The following TENM4 variants were observed in gnomAD, a reference collection of about 807,000 sequenced individuals.
TENM4 encodes the protein teneurin transmembrane protein 4, also known as teneurin-4.
In TENM4, 82 loss-of-function variants were observed where a neutral mutation model predicts 243.3. That is an observed-to-expected ratio of 0.34 (90% CI 0.28 to 0.40). The LOEUF (loss-of-function observed/expected upper bound fraction) is 0.40, where lower values mean the gene tolerates loss of function less well. TENM4 is among the 10% of genes least tolerant of loss of function. The pLI is 1.00. For missense variants in TENM4, 3,138 were observed against 3,673.3 expected, an observed-to-expected ratio of 0.85 and a Z score of 3.77; for synonymous variants, 1,412 against 1,456.3, an observed-to-expected ratio of 0.97 and a Z score of 0.69.
intron 1 of TENM4, among the ~76,000 whole-genome samples, chr11:79,432,545 G>A (rs1254358951): frequency 6.6e-6 from 1 of 152,176 alleles, no homozygotes; most frequent in Non-Finnish European, 1.5e-5. Context: ...TTACCGAACA[G>A]AAGATACTGA....
rs35099815 is a variant in TENM4 at position 79,020,604 on chromosome 11, A to AT, written c.493+44133dup. On this transcript the variant is annotated intron_variant, in intron 6 of 33. Coordinates refer to ENST00000278550, the MANE Select transcript of TENM4 (RefSeq NM_001098816.3). ...CTTTAAACCCTGGAATGTAAATGCA[A>AT]TTTTTTTTTTCCTGGCATTAAAAAA... Among the ~76,000 whole-genome samples, 368 of 150,848 alleles carry AT rather than the reference A, an allele frequency of 2.4e-3. 1 individual carries two copies. The highest frequency in any genetic ancestry group is 8.4e-3 in the African/African-American group (347 of 41,182).
chr11:79,279,924 T>A (rs923571625), intron 2 of TENM4, among the ~76,000 whole-genome samples: 1 of 152,154 alleles, frequency 6.6e-6, no homozygotes, highest in African/African-American at 2.4e-5. Context: ...TGTGAATAGA[T>A]TAGTGCCTTA....
At chr11:78,943,361 G>A (rs1280830158) in intron 6 of TENM4, among the ~76,000 whole-genome samples, 1 of 152,222 alleles carries the variant, frequency 6.6e-6, no homozygotes, top group Non-Finnish European at 1.5e-5. Flanking sequence ...GGACGCCTTG[G>A]TGTGGGGGCA....
intron 4 of TENM4, 30 bp downstream of exon 4, chr11:79,148,680 C>T: frequency 1.3e-6 from 1 of 756,202 alleles, no homozygotes; most frequent in Non-Finnish European, 1.6e-6. Flanking sequence ...ATCATGAATA[C>T]TCTCTGAAGT....
intron 4 of TENM4, among the ~76,000 whole-genome samples, chr11:79,079,344 G>C (rs1319961289): frequency 6.6e-6 from 1 of 152,204 alleles, no homozygotes; most frequent in African/African-American, 2.4e-5. Flanking sequence ...AGCTGGGAGG[G>C]CTCCCCCCAG....
chr11:78,867,981 T>G (rs964470888), intron 9 of TENM4, among the ~76,000 whole-genome samples: 1 of 150,136 alleles, frequency 6.7e-6, no homozygotes, highest in Non-Finnish European at 1.5e-5. Context: ...ATAGTGATGA[T>G]AAATATTCCC....
chr11:79,320,061 G>A (rs75525327), intron 1 of TENM4, among the ~76,000 whole-genome samples: 83 of 152,266 alleles, frequency 5.5e-4, no homozygotes, highest in African/African-American at 1.8e-3. Flanking sequence ...ATAGCTCATC[G>A]TAGAGCATGG....
intron 1 of TENM4, among the ~76,000 whole-genome samples, chr11:79,338,907 C>T (rs1324628966): frequency 6.6e-6 from 1 of 152,204 alleles, no homozygotes; most frequent in Non-Finnish European, 1.5e-5. Context: ...GGCTTTGACT[C>T]AAGACCAACA....
rs117456180 is a variant in TENM4, at chr11:78,839,847, G to A, written c.1681+14257C>T. Among the ~76,000 whole-genome samples the A allele has an allele frequency of 3.3e-3, 503 of 152,214 alleles. 2 individuals carry two copies. The highest frequency in any genetic ancestry group is 6.8e-3 in the Middle Eastern group (2 of 294). Reference sequence around the variant, plus strand: ...CTCAGAGGTGTTTCTGTTACTTAGTGAACACAAAAGACACATCTCAGCACG... The same window carrying A: ...CTCAGAGGTGTTTCTGTTACTTAGTAAACACAAAAGACACATCTCAGCACG... On this transcript the variant is annotated intron_variant, in intron 12 of 33. Transcript: ENST00000278550.
rs949520288 is a variant in TENM4, at chr11:79,250,397, G to A, written c.-264-34488C>T. ...CCAGGCTCAGGTCAGGCATAGGTAG[G>A]AAGTGGCAGAGCTAGAATTTGAACA... On this transcript the variant is annotated intron_variant, in intron 2 of 33. Transcript: ENST00000278550. Among the ~76,000 whole-genome samples, 3 of 152,352 alleles carry A rather than the reference G, an allele frequency of 2.0e-5. 1 individual carries two copies. The South Asian group carries it at 6.2e-4, about 32-fold the overall frequency.
At chr11:78,735,333 GA>G (rs1288108686) in intron 20 of TENM4, among the ~76,000 whole-genome samples, 3 of 152,060 alleles carry the variant, frequency 2.0e-5, no homozygotes, top group African/African-American at 7.3e-5. Context: ...TGGTTTTGGG[GA>G]AATACTCAAA....
chr11:79,431,276 TC>T (rs1301743187), intron 1 of TENM4, among the ~76,000 whole-genome samples: 2 of 152,234 alleles, frequency 1.3e-5, no homozygotes, highest in Non-Finnish European at 2.9e-5. Context: ...TTTTCCCTTG[TC>T]ACAAAACACA....
intron 15 of TENM4, among the ~76,000 whole-genome samples, chr11:78,787,341 C>T (rs900174043): frequency 2.6e-5 from 4 of 152,202 alleles, no homozygotes; most frequent in Non-Finnish European, 5.9e-5. Flanking sequence ...GCCTGTTTCC[C>T]CACCAAAAGA....
At chr11:79,375,319 A>G (rs886208107) in intron 1 of TENM4, among the ~76,000 whole-genome samples, 1 of 152,226 alleles carries the variant, frequency 6.6e-6, no homozygotes, top group African/African-American at 2.4e-5. Flanking sequence ...AAAAAAGAAA[A>G]AAGTAGGACA....
chr11:78,760,365 C>G (rs1856401954), intron 18 of TENM4, among the ~76,000 whole-genome samples: 1 of 152,238 alleles, frequency 6.6e-6, no homozygotes, highest in African/African-American at 2.4e-5. Flanking sequence ...GTTCCCAATT[C>G]TCATGCAAAC....
At chr11:78,803,187 G>A (rs912530335) in intron 15 of TENM4, among the ~76,000 whole-genome samples, 4 of 151,880 alleles carry the variant, frequency 2.6e-5, no homozygotes, top group East Asian at 3.9e-4. Context: ...TTGTCATTGC[G>A]CCCGGCTAAT....
chr11:78,903,143 A>T, intron 7 of TENM4, 125 bp downstream of exon 7: 2 of 1,334,868 alleles, frequency 1.5e-6, no homozygotes, highest in Non-Finnish European at 1.9e-6. Context: ...TAAACCGTGC[A>T]CCCAACCCCA....
At chr11:78,733,701 G>A (rs941146426) in intron 20 of TENM4, among the ~76,000 whole-genome samples, 1 of 152,182 alleles carries the variant, frequency 6.6e-6, no homozygotes, top group Non-Finnish European at 1.5e-5. Flanking sequence ...TTCTGACACT[G>A]CCCAGCCCCA....
chr11:79,225,699 G>A (rs989020815), intron 2 of TENM4, among the ~76,000 whole-genome samples: 2 of 152,036 alleles, frequency 1.3e-5, no homozygotes, highest in Non-Finnish European at 2.9e-5. Context: ...GACTGGTCTC[G>A]AACTCCTGAG....
Sources: allele counts gnomAD v4.1 joint callset (sites outside exome capture counted in the v4.1 genomes callset), GRCh38; gene constraint gnomAD v4.1.1; transcripts MANE v1.5; gene names NCBI Gene and HGNC (gene_info 2026-07-23, HGNC 2026-07-21).